FRY: variants seen among roughly 807,000 people sequenced by gnomAD.
The protein encoded by FRY is protein furry homolog.
FRY carries 128 observed loss-of-function variants against 348.4 expected under a neutral mutation model. The observed-to-expected ratio is 0.37, with a 90% CI of 0.32 to 0.43. The LOEUF (loss-of-function observed/expected upper bound fraction) is 0.43. Ranked by LOEUF, FRY falls within the 20% of genes least tolerant of loss-of-function variation. The pLI, the probability that FRY is intolerant of heterozygous loss-of-function variation, is 1.00. For missense variants in FRY, 2,736 were observed against 3,695.2 expected (o/e 0.74, Z 6.73); for synonymous variants, 1,370 against 1,374.7 (o/e 1.00, Z 0.08).
At position 32,077,341 on chromosome 13, in the gene FRY, A is replaced by C. The variant is rs145064475; in HGVS notation, c.71-1493A>C. ...AACAGATGAAATAATGTCCGCAAAG[A>C]AGTTATTAAAATAATCTAGCCATAG... On this transcript the variant is annotated intron_variant, in intron 1 of 60. Coordinates refer to ENST00000542859, the MANE Select transcript of FRY (RefSeq NM_023037.3). 6.5e-3 allele frequency among the ~76,000 whole-genome samples: 988 copies of C among 152,300 alleles called. 9 individuals are homozygous for C. The highest frequency in any genetic ancestry group is 6.8e-3 in the Non-Finnish European group (465 of 68,014).
intron 24 of FRY, among the ~76,000 whole-genome samples, chr13:32,183,776 CAAAAAAA>C (rs10706504): frequency 1.3e-5 from 1 of 78,118 alleles, no homozygotes; most frequent in African/African-American, 5.3e-5. Flanking sequence ...ACTCTGTCTC[CAAAAAAA>C]AAAAAAAAAA....
At chr13:32,269,272 T>C (rs1403524124) in intron 55 of FRY, among the ~76,000 whole-genome samples, 4 of 152,192 alleles carry the variant, frequency 2.6e-5, no homozygotes, top group Non-Finnish European at 5.9e-5. Flanking sequence ...ATTTCAGCAT[T>C]TCAGTAGCCA....
At chr13:32,234,462 C>G in intron 41 of FRY, 112 bp from the exon 42 acceptor site, 1 of 899,932 alleles carries the variant, frequency 1.1e-6, no homozygotes. Flanking sequence ...TAAATAAGTA[C>G]CACTACAAGG....
chr13:32,274,922 A>G lies in FRY; in HGVS notation c.8217A>G (p.Lys2739=), dbSNP rs1479652090. The stretch of plus-strand genomic sequence containing the variant: ...ATAACCTCCGGGGAATCGGATCCAA[A>G]TTTGTCAGCTCTTCCCAGATGCTCA... ...LGDNLRGIGS[K]FVSSSQMLTS... Residue 2739 remains lysine, a synonymous_variant, in exon 56 of 61, where the codon AAA becomes AAG. Coordinates refer to ENST00000542859, the MANE Select transcript of FRY (RefSeq NM_023037.3). 1.2e-6 allele frequency: 2 copies of G among 1,613,422 alleles called. No homozygotes were observed. The highest frequency in any genetic ancestry group is 1.7e-6 in the Non-Finnish European group (2 of 1,179,568).
rs750124017 is a variant in FRY at position 32,173,355 on chromosome 13, A to G, written c.2152-12A>G. Reference sequence around the variant, plus strand: ...TCGCTGAATACAGAATGTTGTTCTTATTGCATAACAGCTCATCGCAAATGG... The same window carrying G: ...TCGCTGAATACAGAATGTTGTTCTTGTTGCATAACAGCTCATCGCAAATGG... On this transcript the variant is annotated splice_polypyrimidine_tract_variant and intron_variant, in intron 18 of 60. Transcript: ENST00000542859. The G allele has an allele frequency of 7.5e-6, 12 of 1,603,994 alleles. No homozygotes were observed. The highest frequency in any genetic ancestry group is 2.7e-5 in the African/African-American group (2 of 74,706).
chr13:32,085,967 C>G (rs539057430), intron 2 of FRY: 1 of 518,954 alleles, frequency 1.9e-6, no homozygotes, highest in Admixed American at 1.9e-5. Flanking sequence ...ACACCCCCAA[C>G]GATCTCACTG....
Position 32,275,195 on chromosome 13 carries a change from G to C in FRY, c.8286+204G>C, listed in dbSNP as rs553342254. ...AGATCGAGACCATCCTGGCTAACAC[G>C]GTGAAACCCCGTATCTATTAAAAAT... On this transcript the variant is annotated intron_variant, in intron 56 of 60. Coordinates refer to ENST00000542859, the MANE Select transcript of FRY (RefSeq NM_023037.3). 6.7e-6 allele frequency: 3 copies of C among 449,240 alleles called. No individual in the cohort carries two copies. The East Asian group carries it at 1.2e-4, about 18-fold the overall frequency. 27.8% of individuals were successfully genotyped at this position (449,240 alleles called of 1,614,324 possible). A position where few individuals can be genotyped will look rare whatever the true frequency, so the allele number is the denominator to read the frequency against.
chr13:32,171,413 TG>T (rs1351096385), intron 18 of FRY, 143 bp downstream of exon 18: 1 of 680,282 alleles, frequency 1.5e-6, no homozygotes, highest in African/African-American at 1.9e-5. Flanking sequence ...CTGGTTCAAG[TG>T]ATTTTCATGC....
chr13:32,294,503 C>T lies in FRY; in HGVS notation c.8716C>T (p.Gln2906Ter). The change falls in exon 60 of 61, where the codon CAG (glutamine) becomes TAG (stop). Residue 2906 changes from glutamine to a stop codon, truncating the protein, a stop_gained. Transcript: ENST00000542859. LOFTEE classifies it high-confidence loss of function. ...CTTCACGTCCACTGAAGCAGCCATCCAGTCCATGCTGGAGTGCCTGAAGAA... is the reference window on the plus strand; with the variant it reads ...CTTCACGTCCACTGAAGCAGCCATCTAGTCCATGCTGGAGTGCCTGAAGAA... ...PTFTSTEAAI[Q>*]SMLECLKNNE... The T allele has an allele frequency of 6.2e-7, 1 of 1,614,158 alleles. No individual in the cohort carries two copies. The highest frequency in any genetic ancestry group is 1.7e-5 in the Admixed American group (1 of 60,034).
At chr13:32,282,198 A>G (rs1282133135) in intron 58 of FRY, among the ~76,000 whole-genome samples, 1 of 152,182 alleles carries the variant, frequency 6.6e-6, no homozygotes, top group Non-Finnish European at 1.5e-5. Flanking sequence ...GTCTGGCCTC[A>G]GAGCACTGCT....
intron 55 of FRY, among the ~76,000 whole-genome samples, chr13:32,270,647 CT>C (rs1298100345): frequency 2.0e-5 from 3 of 152,218 alleles, no homozygotes; most frequent in Non-Finnish European, 2.9e-5. Flanking sequence ...GAACGGTCAT[CT>C]CCCCTTGTCC....
intron 49 of FRY, 92 bp from the exon 50 acceptor site, chr13:32,251,784 AGT>A (rs898971626): frequency 1.5e-5 from 12 of 794,142 alleles, no homozygotes; most frequent in African/African-American, 1.2e-4. Flanking sequence ...CTATACGTTA[AGT>A]GCTATTGCCC....
At chr13:32,078,795 T>C in intron 1 of FRY, 39 bp from the exon 2 acceptor site, 2 of 1,422,010 alleles carry the variant, frequency 1.4e-6, no homozygotes. Flanking sequence ...ATTTATGACA[T>C]TATTATCAGC....
In FRY at chr13:32,260,452, T is replaced by C. The variant is rs542820218; in HGVS notation, c.7417-1164T>C. The stretch of plus-strand genomic sequence containing the variant: ...ATCCATTTCTAGAAAAAAAAAGTTA[T>C]GTTAGTCAAATACACTTATTTATTA... On this transcript the variant is annotated intron_variant, in intron 51 of 60. Coordinates refer to ENST00000542859, the MANE Select transcript of FRY (RefSeq NM_023037.3). Among the ~76,000 whole-genome samples the C allele has an allele frequency of 6.8e-4, 104 of 152,328 alleles. 3 individuals are homozygous for C. In the South Asian group the frequency reaches 0.018, roughly 26 times the overall value.
rs114292665 is a variant in FRY, at chr13:32,202,572, A to G, written c.4018+45A>G. 1.7e-3 allele frequency: 2,402 copies of G among 1,389,490 alleles called. 40 individuals are homozygous for G. The African/African-American group carries it at 0.03, about 18-fold the overall frequency. 86.1% of individuals were successfully genotyped at this position (1,389,490 alleles called of 1,614,324 possible). ...AATGACATATGTGATCATTTCTAAT[A>G]ATGACGTATGTGATCATTTCTAATA... On this transcript the variant is annotated intron_variant, in intron 31 of 60. Transcript: ENST00000542859.
chr13:32,124,205 G>A, intron 4 of FRY, 81 bp from the exon 5 acceptor site: 1 of 836,572 alleles, frequency 1.2e-6, no homozygotes, highest in Non-Finnish European at 2.1e-6. Context: ...CTATTAGGGA[G>A]GAGTCCTAGA....
chr13:32,234,787 C>A, intron 42 of FRY, 26 bp downstream of exon 42: 1 of 1,581,270 alleles, frequency 6.3e-7, no homozygotes, highest in Non-Finnish European at 8.7e-7. Context: ...CCACTGAGCT[C>A]GTGAAGGATG....
intron 18 of FRY, among the ~76,000 whole-genome samples, chr13:32,171,989 A>T (rs1177525905): frequency 3.7e-4 from 1 of 2,710 alleles, no homozygotes; most frequent in Non-Finnish European, 9.8e-4. Flanking sequence ...TAGGATGTGG[A>T]TGTGGATATA....
intron 59 of FRY, among the ~76,000 whole-genome samples, chr13:32,293,810 A>G (rs1889494441): frequency 6.6e-6 from 1 of 152,224 alleles, no homozygotes; most frequent in Admixed American, 6.5e-5. Flanking sequence ...ACCAAGAGTG[A>G]GAAAAACTTA....
Sources: allele counts gnomAD v4.1 joint callset (sites outside exome capture counted in the v4.1 genomes callset), GRCh38; gene constraint gnomAD v4.1.1; transcripts MANE v1.5; gene names NCBI Gene and HGNC (gene_info 2026-07-23, HGNC 2026-07-21).